METTL4: variants seen among roughly 807,000 people sequenced by gnomAD.
METTL4 encodes the protein methyltransferase 4, N6-adenosine.
METTL4 carries 40 observed loss-of-function variants against 54.0 expected under a neutral mutation model. The observed-to-expected ratio is 0.74, with a 90% CI of 0.58 to 0.96. The LOEUF is 0.96. Among genes scored for constraint, METTL4 ranks in the 50% least tolerant of loss-of-function variants. The pLI is 0.00. For missense variants in METTL4, 525 were observed against 549.0 expected, an observed-to-expected ratio of 0.96 and a Z score of 0.44; for synonymous variants, 169 against 183.8, an observed-to-expected ratio of 0.92 and a Z score of 0.65.
At chr18:2,562,000 C>G (rs553292237) in intron 3 of METTL4, 3 of 152,162 alleles carry the variant, frequency 2.0e-5, no homozygotes, top group Non-Finnish European at 4.4e-5. Flanking sequence ...GTCTTCAGAA[C>G]ATTTAAAACC....
At chr18:2,558,567 A>G (rs1436925767) in intron 3 of METTL4, among the ~76,000 whole-genome samples, 1 of 152,072 alleles carries the variant, frequency 6.6e-6, no homozygotes, top group Non-Finnish European at 1.5e-5. Flanking sequence ...GAAAATACCC[A>G]AGAAAATTAA....
chr18:2,552,634 A>C, intron 5 of METTL4, 61 bp downstream of exon 5: 2 of 1,065,356 alleles, frequency 1.9e-6, no homozygotes, highest in Non-Finnish European at 2.8e-6. Flanking sequence ...TAGTATATTA[A>C]ACTATAATGT....
intron 8 of METTL4, chr18:2,540,924 T>G: frequency 1.0e-6 from 1 of 985,216 alleles, no homozygotes; most frequent in African/African-American, 1.7e-5. Flanking sequence ...GAGCACCCAC[T>G]ATAATCAGTG....
intron 1 of METTL4, among the ~76,000 whole-genome samples, chr18:2,567,957 C>G (rs1182664447): frequency 1.3e-5 from 2 of 152,220 alleles, no homozygotes; most frequent in African/African-American, 4.8e-5. Flanking sequence ...GAGTCTAGAT[C>G]TGTAATTGGT....
At position 2,567,276 on chromosome 18, in the gene METTL4, G is replaced by A. The variant is rs1365590615; in HGVS notation, c.-60C>T. 1 of 1,447,378 alleles carries A rather than the reference G, an allele frequency of 6.9e-7. No homozygotes were observed. Among genetic ancestry groups the A allele is most frequent in the Non-Finnish European group, 9.3e-7 (1 of 1,073,492 alleles). 89.7% of individuals were successfully genotyped at this position (1,447,378 alleles called of 1,614,324 possible). A position where few individuals can be genotyped will look rare whatever the true frequency, so the allele number is the denominator to read the frequency against. On this transcript the variant is annotated 5_prime_UTR_variant, in exon 2 of 9. Coordinates refer to ENST00000574538, the MANE Select transcript of METTL4 (RefSeq NM_022840.5). ...ACTAGAATGAAAATCCAACTTTCCAGATCAGCTTCTTAAATATCTTGTATT... is the reference window on the plus strand; with the variant it reads ...ACTAGAATGAAAATCCAACTTTCCAAATCAGCTTCTTAAATATCTTGTATT...
At position 2,571,345 on chromosome 18, in the gene METTL4, C is replaced by G. The variant is rs930300180; in HGVS notation, c.-635G>C. The G allele has an allele frequency of 6.6e-6, 1 of 152,288 alleles. No homozygotes were observed. Among genetic ancestry groups the G allele is most frequent in the Non-Finnish European group, 1.5e-5 (1 of 68,082 alleles). The allele number at this position is 152,288 out of a possible 1,614,324, so 9.4% of individuals were successfully genotyped here. ...CAGGGCGAGTTGAGCGTTCAGGGCA[C>G]TCCTCGGCGCTCAAGCTGCCCACAG... is the stretch of plus-strand genomic sequence containing the variant. On this transcript the variant is annotated 5_prime_UTR_variant, in exon 1 of 9. Transcript: ENST00000574538.
intron 6 of METTL4, 121 bp downstream of exon 6, chr18:2,547,234 G>T (rs2072083030): frequency 5.7e-6 from 4 of 701,558 alleles, no homozygotes; most frequent in Non-Finnish European, 8.4e-6. Context: ...CAAAGCAAAA[G>T]TCTGAATTAG....
At position 2,544,668 on chromosome 18, in the gene METTL4, GT is replaced by G; in HGVS notation, c.1165del (p.Thr389LeufsTer5). The G allele has an allele frequency of 1.9e-6, 3 of 1,609,544 alleles. No homozygotes were observed. The highest frequency in any genetic ancestry group is 2.5e-6 in the Non-Finnish European group (3 of 1,177,430). On this transcript the variant is annotated frameshift_variant, in exon 7 of 9. Transcript: ENST00000574538. LOFTEE classifies it high-confidence loss of function. ...GLILGRVQEK[T>X]ALPLRNADVN... ...CCTTTCCTACCTCAATGGTAGAGCA[GT>G]TTTTTCTTGAACCCTCCCCAGTATA...
At position 2,538,500 on chromosome 18, in the gene METTL4, A is replaced by AGG. The variant is rs1434016747; in HGVS notation, c.*499_*500insCC. The AGG allele has an allele frequency of 2.0e-5, 3 of 153,710 alleles. No individual in the cohort carries two copies. The highest frequency in any genetic ancestry group is 4.3e-5 in the Non-Finnish European group (3 of 69,110). 9.5% of individuals were successfully genotyped at this position (153,710 alleles called of 1,614,324 possible). ...AGTGGAGAGCACAAGGCTCTTCCCA[A>AGG]GTGAGCCACCACCGCTTGGTCCTGC... On this transcript the variant is annotated 3_prime_UTR_variant, in exon 9 of 9. Transcript: ENST00000574538.
rs183654740 is a variant in METTL4 at position 2,565,924 on chromosome 18, G to A, written c.396+897C>T. 6.4e-3 allele frequency among the ~76,000 whole-genome samples: 968 copies of A among 152,100 alleles called. 11 individuals carry two copies. The highest frequency in any genetic ancestry group is 0.022 in the African/African-American group (919 of 41,486). On this transcript the variant is annotated intron_variant, in intron 2 of 8. Coordinates refer to ENST00000574538, the MANE Select transcript of METTL4 (RefSeq NM_022840.5). ...TAGCCAGGCGTGGTGGCAAGCGCCT[G>A]TAGTCCCAGCTGCTCGGGAGGCTGA...
At chr18:2,557,546 T>C (rs186274819) in intron 3 of METTL4, among the ~76,000 whole-genome samples, 23 of 152,292 alleles carry the variant, frequency 1.5e-4, no homozygotes, top group Admixed American at 1.0e-3. Context: ...ACTTGTATGC[T>C]GTCCAGGTTA....
At chr18:2,554,236 G>A (rs2072202923) in intron 4 of METTL4, 1 of 150,520 alleles carries the variant, frequency 6.6e-6, no homozygotes, top group Admixed American at 6.6e-5. Context: ...TTTTAACTTT[G>A]TACGGAAATG....
intron 8 of METTL4, among the ~76,000 whole-genome samples, chr18:2,542,956 C>T (rs530109881): frequency 2.0e-4 from 30 of 151,878 alleles, no homozygotes; most frequent in African/African-American, 5.1e-4. Context: ...GGCGAAACCC[C>T]GTCTCTACTA....
intron 8 of METTL4, among the ~76,000 whole-genome samples, chr18:2,541,986 A>C (rs2143468647): frequency 6.6e-6 from 1 of 152,270 alleles, no homozygotes; most frequent in South Asian, 2.1e-4. Context: ...AGTAACATGA[A>C]CTCAAAAATA....
In METTL4 at chr18:2,567,297, G is replaced by A. The variant is rs2072436368; in HGVS notation, c.-81C>T. On this transcript the variant is annotated 5_prime_UTR_variant, in exon 2 of 9. The change creates a premature stop within an existing upstream ORF in the 5' untranslated region. Transcript: ENST00000574538. ...TCCAGATCAGCTTCTTAAATATCTT[G>A]TATTTCAATAAACATACACTTCATA... is the stretch of plus-strand genomic sequence containing the variant. The A allele has an allele frequency of 7.6e-7, 1 of 1,316,274 alleles. No homozygotes were observed. The highest frequency in any genetic ancestry group is 2.3e-5 in the East Asian group (1 of 43,008). 81.5% of individuals were successfully genotyped at this position (1,316,274 alleles called of 1,614,324 possible).
intron 3 of METTL4, among the ~76,000 whole-genome samples, chr18:2,558,199 G>T (rs1052436011): frequency 2.0e-5 from 3 of 152,102 alleles, no homozygotes; most frequent in African/African-American, 7.2e-5. Flanking sequence ...CAGGCACAAA[G>T]ATAACTCGTA....
At chr18:2,547,715 CT>C (rs553736989) in intron 5 of METTL4, among the ~76,000 whole-genome samples, 186 bp from the exon 6 acceptor site, 188 of 150,626 alleles carry the variant, frequency 1.2e-3, no homozygotes, top group African/African-American at 4.1e-3. Context: ...CAAAAATCAC[CT>C]TTTTTTTAAC....
intron 8 of METTL4, 109 bp downstream of exon 8, chr18:2,544,086 A>G: frequency 1.4e-6 from 1 of 701,694 alleles, no homozygotes; most frequent in Non-Finnish European, 2.3e-6. Flanking sequence ...ATTCATTAAC[A>G]ACCTACGTCT....
chr18:2,538,713 C>T lies in METTL4; in HGVS notation c.*287G>A, dbSNP rs1052981298. The stretch of plus-strand genomic sequence containing the variant: ...AGATAGGATTAAGACCTCTGGTCCA[C>T]GGTGTATGTTTTCTGAACTTTTTCA... On this transcript the variant is annotated 3_prime_UTR_variant, in exon 9 of 9. Coordinates refer to ENST00000574538, the MANE Select transcript of METTL4 (RefSeq NM_022840.5). 1.8e-5 allele frequency: 6 copies of T among 328,122 alleles called. No individual in the cohort carries two copies. The highest frequency in any genetic ancestry group is 4.2e-5 in the African/African-American group (2 of 48,022). The allele number at this position is 328,122 out of a possible 1,614,324, so 20.3% of individuals were successfully genotyped here. A position where few individuals can be genotyped will look rare whatever the true frequency, so the allele number is the denominator to read the frequency against.
Sources: allele counts gnomAD v4.1 joint callset (sites outside exome capture counted in the v4.1 genomes callset), GRCh38; gene constraint gnomAD v4.1.1; transcripts MANE v1.5; gene names NCBI Gene and HGNC (gene_info 2026-07-23, HGNC 2026-07-21).